The following NRXN1 variants were observed in gnomAD, a reference collection of about 807,000 sequenced individuals.
NRXN1 encodes the protein neurexin-1.
NRXN1 carries 39 observed loss-of-function variants against 150.9 expected under a neutral mutation model. The observed-to-expected ratio is 0.26, with a 90% CI of 0.20 to 0.34. The LOEUF is 0.34. Among genes scored for constraint, NRXN1 ranks in the 10% least tolerant of loss-of-function variants. NRXN1 has a pLI of 1.00. For synonymous variants in NRXN1, 924 were observed against 757.0 expected, an observed-to-expected ratio of 1.22 and a Z score of -3.62; for missense variants, 1,815 against 1,949.9, an observed-to-expected ratio of 0.93 and a Z score of 1.30.
chr2:50,408,177 T>C (rs1047517630), intron 17 of NRXN1, among the ~76,000 whole-genome samples: 1 of 152,188 alleles, frequency 6.6e-6, no homozygotes, highest in African/African-American at 2.4e-5. Context: ...AGAATGGCAA[T>C]GTAAATTCAG....
At chr2:50,676,211 C>G (rs1689517160) in intron 5 of NRXN1, among the ~76,000 whole-genome samples, 1 of 152,132 alleles carries the variant, frequency 6.6e-6, no homozygotes, top group African/African-American at 2.4e-5. Flanking sequence ...ACTCCTCATT[C>G]ACCTTCTGTC....
intron 5 of NRXN1, among the ~76,000 whole-genome samples, chr2:50,625,829 A>C (rs1481349055): frequency 6.6e-6 from 1 of 152,108 alleles, no homozygotes; most frequent in Non-Finnish European, 1.5e-5. Flanking sequence ...GACATCTGGT[A>C]AAGTTGATAC....
At chr2:50,022,870 G>C (rs761323277) in intron 21 of NRXN1, 8 of 152,210 alleles carry the variant, frequency 5.3e-5, no homozygotes, top group Non-Finnish European at 1.0e-4. Context: ...CTGGTTGCCA[G>C]AATATCTTAT....
At chr2:50,268,814 T>C (rs971514266) in intron 17 of NRXN1, among the ~76,000 whole-genome samples, 2 of 152,232 alleles carry the variant, frequency 1.3e-5, no homozygotes, top group Admixed American at 6.5e-5. Context: ...CTAGGCCACA[T>C]AGCTTCTAGC....
intron 17 of NRXN1, among the ~76,000 whole-genome samples, chr2:50,327,901 G>A (rs191802321): frequency 6.6e-6 from 1 of 152,108 alleles, no homozygotes; most frequent in East Asian, 1.9e-4. Flanking sequence ...CTCCCGCCTT[G>A]GCCTCCCAAA....
chr2:50,862,577 C>G (rs2216252), intron 5 of NRXN1, among the ~76,000 whole-genome samples: 20 of 152,024 alleles, frequency 1.3e-4, no homozygotes, highest in African/African-American at 4.1e-4. Context: ...CAGGTCCAAT[C>G]CCATTGCAAC....
At position 50,390,334 on chromosome 2, in the gene NRXN1, C is replaced by T. The variant is rs557324543; in HGVS notation, c.3364+75108G>A. Among the ~76,000 whole-genome samples the T allele has an allele frequency of 2.6e-5, 4 of 151,978 alleles. No individual in the cohort carries two copies. In the South Asian group the frequency reaches 6.3e-4, roughly 24 times the overall value. On this transcript the variant is annotated intron_variant, in intron 17 of 22. Transcript: ENST00000401669. ...AATTCCATGAATCAAAAGGGAAGTC[C>T]CCTTTGTACATTCTTCTTTTAACTT...
At chr2:49,959,366 C>T (rs17039564) in intron 21 of NRXN1, among the ~76,000 whole-genome samples, 61,354 of 152,024 alleles carry the variant, frequency 0.4, 12,687 homozygotes, top group South Asian at 0.53. Context: ...GAACCTGATG[C>T]AGCCATGCAG....
At chr2:50,907,694 T>C (rs1032876301) in intron 5 of NRXN1, among the ~76,000 whole-genome samples, 2 of 151,788 alleles carry the variant, frequency 1.3e-5, no homozygotes, top group Non-Finnish European at 2.9e-5. Context: ...GCTTTGAAGA[T>C]GAAAGAAAGG....
chr2:50,044,657 C>T (rs1691524735), intron 21 of NRXN1, among the ~76,000 whole-genome samples: 1 of 152,044 alleles, frequency 6.6e-6, no homozygotes, highest in African/African-American at 2.4e-5. Context: ...TGTACAAAAG[C>T]TTTGCTATTG....
intron 17 of NRXN1, among the ~76,000 whole-genome samples, chr2:50,457,861 G>C (rs960198953): frequency 6.6e-6 from 1 of 152,164 alleles, no homozygotes; most frequent in African/African-American, 2.4e-5. Flanking sequence ...TGGAAAAAGA[G>C]AAATGCTTGT....
At chr2:50,004,920 C>T (rs1684517159) in intron 21 of NRXN1, among the ~76,000 whole-genome samples, 1 of 152,036 alleles carries the variant, frequency 6.6e-6, no homozygotes, top group African/African-American at 2.4e-5. Context: ...ACTCTGGCAA[C>T]ATTTTCTGAA....
chr2:50,471,776 T>C (rs912094263), intron 16 of NRXN1, among the ~76,000 whole-genome samples: 2 of 151,672 alleles, frequency 1.3e-5, no homozygotes, highest in African/African-American at 4.8e-5. Context: ...AAATAACTAA[T>C]GCGTACTAGG....
intron 8 of NRXN1, among the ~76,000 whole-genome samples, chr2:50,553,647 G>A (rs1405844089): frequency 2.0e-5 from 3 of 152,202 alleles, no homozygotes; most frequent in Admixed American, 2.0e-4. Context: ...TTTGAATACT[G>A]TTAAGTAATG....
rs1016863979 is a variant in NRXN1, at chr2:50,786,899, T to C, written c.832+134970A>G. The stretch of plus-strand genomic sequence containing the variant: ...ACCAAGCTAATAACATATAAAAAAA[T>C]GGAAAATTCTTCATTTGTTTCTGTT... On this transcript the variant is annotated intron_variant, in intron 5 of 22. Transcript: ENST00000401669. Among the ~76,000 whole-genome samples, 48 of 152,188 alleles carry C rather than the reference T, an allele frequency of 3.2e-4. 1 individual carries two copies. The highest frequency in any genetic ancestry group is 4.4e-5 in the Non-Finnish European group (3 of 68,004).
intron 8 of NRXN1, among the ~76,000 whole-genome samples, chr2:50,572,636 G>A (rs1445490395): frequency 1.3e-5 from 2 of 152,116 alleles, no homozygotes; most frequent in East Asian, 3.9e-4. Flanking sequence ...TAACTTTCCT[G>A]AAGCTGCACA....
chr2:50,694,977 T>C (rs1233828291), intron 5 of NRXN1, among the ~76,000 whole-genome samples: 2 of 152,142 alleles, frequency 1.3e-5, no homozygotes, highest in East Asian at 3.9e-4. Context: ...ATCACCTCCA[T>C]GCAAATTGAT....
chr2:50,729,946 C>T (rs1480344334), intron 5 of NRXN1, among the ~76,000 whole-genome samples: 1 of 152,194 alleles, frequency 6.6e-6, no homozygotes, highest in Non-Finnish European at 1.5e-5. Flanking sequence ...CCACAGGCTG[C>T]TTCTGAGTGA....
At chr2:50,554,260 C>T (rs759794939) in intron 8 of NRXN1, among the ~76,000 whole-genome samples, 1 of 152,074 alleles carries the variant, frequency 6.6e-6, no homozygotes, top group Admixed American at 6.6e-5. Context: ...ATAAGACAGC[C>T]TGTATCTGAT....
Sources: gnomAD v4.1 joint callset for allele counts (sites outside exome capture counted in the v4.1 genomes callset) on GRCh38, gnomAD v4.1.1 for gene constraint, MANE v1.5 for transcripts, NCBI Gene and HGNC (gene_info 2026-07-23, HGNC 2026-07-21) for gene names.